RPS6KC1: variants seen among roughly 807,000 people sequenced by gnomAD.
RPS6KC1 encodes the protein inactive ribosomal protein S6 kinase delta-1.
A neutral mutation model predicts 103.8 loss-of-function variants in RPS6KC1; 54 were observed. The ratio of observed to expected loss-of-function variants is 0.52; its 90% confidence interval spans 0.42 to 0.65. The LOEUF is 0.65. RPS6KC1 is among the 30% of genes least tolerant of loss of function. The pLI is 0.00. For missense variants in RPS6KC1, 1,151 were observed against 1,253.8 expected, an observed-to-expected ratio of 0.92 and a Z score of 1.24; for synonymous variants, 439 against 438.7, an observed-to-expected ratio of 1.00 and a Z score of -0.01.
At chr1:213,784,024 A>G in the RPS6KC1 span, among the ~76,000 whole-genome samples, 10 of 152,146 alleles carry the variant, frequency 6.6e-5, no homozygotes, top group African/African-American at 1.7e-4. Context: ...AGGCTTTGCT[A>G]CTGCAGACAG....
At chr1:213,181,770 G>T (rs2092281999) in intron 8 of RPS6KC1, among the ~76,000 whole-genome samples, 1 of 152,140 alleles carries the variant, frequency 6.6e-6, no homozygotes. Flanking sequence ...GAAAATAAAG[G>T]TATTCTCAGA....
the RPS6KC1 span, among the ~76,000 whole-genome samples, chr1:213,403,702 C>G: frequency 6.6e-6 from 1 of 152,100 alleles, no homozygotes; most frequent in Admixed American, 6.5e-5. Context: ...GTTGGTTCCA[C>G]CAAATATGTC....
chr1:213,852,933 G>A, the RPS6KC1 span, among the ~76,000 whole-genome samples: 1 of 152,226 alleles, frequency 6.6e-6, no homozygotes, highest in Non-Finnish European at 1.5e-5. Context: ...TTGGGAAAGA[G>A]AGAAGGAGTG....
chr1:213,775,091 A>G, the RPS6KC1 span, among the ~76,000 whole-genome samples: 1 of 152,222 alleles, frequency 6.6e-6, no homozygotes, highest in Non-Finnish European at 1.5e-5. Flanking sequence ...ACCATGAGGC[A>G]CAGAGAGTCT....
At chr1:213,077,907 GCCCTTTTACT>G in intron 3 of RPS6KC1, 91 bp downstream of exon 3, 1 of 606,084 alleles carries the variant, frequency 1.6e-6, no homozygotes, top group East Asian at 3.4e-5. Context: ...GAAGTCAGAA[GCCCTTTTACT>G]TATTGAGATA....
At chr1:213,666,886 G>A in the RPS6KC1 span, among the ~76,000 whole-genome samples, 1 of 152,244 alleles carries the variant, frequency 6.6e-6, no homozygotes, top group African/African-American at 2.4e-5. Flanking sequence ...ATGTTGCCGG[G>A]AGAGGCACGT....
At chr1:213,213,641 G>A (rs1471014430) in intron 8 of RPS6KC1, among the ~76,000 whole-genome samples, 1 of 152,116 alleles carries the variant, frequency 6.6e-6, no homozygotes, top group Non-Finnish European at 1.5e-5. Flanking sequence ...GTCTGTCAAA[G>A]AAAAACATTG....
intron 1 of RPS6KC1, among the ~76,000 whole-genome samples, chr1:213,068,303 G>T (rs2078515571): frequency 6.6e-6 from 1 of 151,770 alleles, no homozygotes; most frequent in Non-Finnish European, 1.5e-5. Flanking sequence ...GGCCAACATG[G>T]TGAAACCTTG....
chr1:213,469,850 C>G, the RPS6KC1 span, among the ~76,000 whole-genome samples: 4 of 152,280 alleles, frequency 2.6e-5, no homozygotes, highest in Admixed American at 2.0e-4. Context: ...GACCCCATCT[C>G]TACGAAAAAG....
chr1:213,728,858 G>A, the RPS6KC1 span, among the ~76,000 whole-genome samples: 3 of 151,494 alleles, frequency 2.0e-5, no homozygotes, highest in Non-Finnish European at 4.4e-5. Context: ...GAAGTTACAG[G>A]GCTGGCTTAC....
intron 6 of RPS6KC1, among the ~76,000 whole-genome samples, chr1:213,141,782 C>G (rs1337909841): frequency 2.0e-5 from 3 of 151,658 alleles, no homozygotes; most frequent in Non-Finnish European, 4.4e-5. Context: ...TTACTCTTAA[C>G]ACTGCTTTAG....
intron 3 of RPS6KC1, among the ~76,000 whole-genome samples, chr1:213,084,790 A>G (rs1161445944): frequency 6.6e-6 from 1 of 152,084 alleles, no homozygotes; most frequent in Non-Finnish European, 1.5e-5. Flanking sequence ...CCCCCTTTTT[A>G]AAGAGAACGA....
the RPS6KC1 span, among the ~76,000 whole-genome samples, chr1:213,400,120 T>A: frequency 6.6e-6 from 1 of 152,120 alleles, no homozygotes; most frequent in Non-Finnish European, 1.5e-5. Context: ...CGATTTATTT[T>A]ATTTTATTTT....
the RPS6KC1 span, among the ~76,000 whole-genome samples, chr1:213,283,256 GAT>G: frequency 6.6e-6 from 1 of 152,206 alleles, no homozygotes; most frequent in African/African-American, 2.4e-5. Context: ...CAAATTAAAA[GAT>G]GTGCTGCTGC....
At chr1:213,245,292 C>T (rs1400392914) in intron 12 of RPS6KC1, among the ~76,000 whole-genome samples, 2 of 152,148 alleles carry the variant, frequency 1.3e-5, no homozygotes, top group Non-Finnish European at 2.9e-5. Context: ...TCAGTAACTA[C>T]ATGGGTCATA....
At chr1:213,631,436 T>G in the RPS6KC1 span, among the ~76,000 whole-genome samples, 1 of 151,892 alleles carries the variant, frequency 6.6e-6, no homozygotes, top group African/African-American at 2.4e-5. Context: ...TGTATTCTAG[T>G]GAGTAGGTAT....
chr1:213,394,463 C>G, the RPS6KC1 span, among the ~76,000 whole-genome samples: 6 of 152,054 alleles, frequency 3.9e-5, 1 homozygote, highest in East Asian at 1.2e-3. Context: ...CTGCCAGCCT[C>G]GGAATGCTGG....
chr1:213,103,690 T>G (rs187272669), intron 3 of RPS6KC1, among the ~76,000 whole-genome samples: 109 of 152,346 alleles, frequency 7.2e-4, no homozygotes, highest in Middle Eastern at 3.4e-3. Context: ...GTTTATGTGG[T>G]GATGCTACTT....
At chr1:213,839,334 T>G in the RPS6KC1 span, among the ~76,000 whole-genome samples, 2 of 152,224 alleles carry the variant, frequency 1.3e-5, no homozygotes, top group Non-Finnish European at 2.9e-5. Context: ...GTATCTCTCT[T>G]CTCCAGCCAT....
Sources: allele counts gnomAD v4.1 joint callset (sites outside exome capture counted in the v4.1 genomes callset), GRCh38; gene constraint gnomAD v4.1.1; transcripts MANE v1.5; gene names NCBI Gene and HGNC (gene_info 2026-07-23, HGNC 2026-07-21).